The following TPO variants were observed in gnomAD, a reference collection of about 807,000 sequenced individuals.
The protein encoded by TPO is thyroid peroxidase, also known as thyroid microsomal antigen.
Under a neutral mutation model 96.9 loss-of-function variants are expected in TPO, and 78 were observed. That is an observed-to-expected ratio of 0.81 (90% CI 0.67 to 0.97). The LOEUF (loss-of-function observed/expected upper bound fraction) is 0.97. Among genes scored for constraint, TPO ranks in the 50% least tolerant of loss-of-function variants. The probability of loss-of-function intolerance (pLI) is 0.00; values close to 1 mark genes in which losing one functional copy is unlikely to be tolerated. For missense variants in TPO, 1,252 were observed against 1,274.8 expected (o/e 0.98, Z 0.27); for synonymous variants, 547 against 538.0 (o/e 1.02, Z -0.23).
intron 13 of TPO, among the ~76,000 whole-genome samples, chr2:1,498,576 T>G (rs1230513977): frequency 6.6e-6 from 1 of 152,218 alleles, no homozygotes; most frequent in Non-Finnish European, 1.5e-5. Context: ...TTTGCAGACG[T>G]GCTCCCCTGC....
At chr2:1,431,188 C>T (rs1461099783) in intron 3 of TPO, among the ~76,000 whole-genome samples, 2 of 152,138 alleles carry the variant, frequency 1.3e-5, no homozygotes. Context: ...GGTTTAGCCC[C>T]ATCCTCTTGG....
At chr2:1,514,896 C>T (rs1253225814) in intron 14 of TPO, among the ~76,000 whole-genome samples, 2 of 152,142 alleles carry the variant, frequency 1.3e-5, no homozygotes, top group South Asian at 2.1e-4. Context: ...GTGGGTCTGC[C>T]GTTTGCTGGT....
chr2:1,452,295 G>A (rs1162745377), intron 5 of TPO, among the ~76,000 whole-genome samples: 1 of 152,212 alleles, frequency 6.6e-6, no homozygotes, highest in African/African-American at 2.4e-5. Flanking sequence ...TTATTGATGA[G>A]ATGGGTGGAG....
At chr2:1,436,121 A>T (rs1665544337) in intron 4 of TPO, 131 bp from the exon 5 acceptor site, 1 of 1,436,934 alleles carries the variant, frequency 7.0e-7, no homozygotes, top group Non-Finnish European at 9.7e-7. Context: ...GATTTTCTCA[A>T]AAACAGTGAC....
intron 15 of TPO, among the ~76,000 whole-genome samples, chr2:1,524,215 A>ACCCCACTGTGTGCAACCTCCTCAAATCC (rs1261406482): frequency 5.0e-4 from 19 of 37,636 alleles, no homozygotes; most frequent in African/African-American, 1.9e-3. Context: ...CCTCAAATCC[A>ACCCCACTGTGTGCAACCTCCTCAAATCC]CCCCACTGTG....
intron 16 of TPO, chr2:1,541,115 ATGTTTT>A: frequency 8.4e-7 from 1 of 1,192,162 alleles, no homozygotes; most frequent in Non-Finnish European, 1.1e-6. Flanking sequence ...GTGTATGTTT[ATGTTTT>A]ACCCCCTTAC....
intron 7 of TPO, among the ~76,000 whole-genome samples, chr2:1,473,489 C>T (rs1024475237): frequency 1.3e-5 from 2 of 152,160 alleles, no homozygotes; most frequent in Non-Finnish European, 2.9e-5. Context: ...AATACCGCAT[C>T]ACCATTCTTT....
intron 1 of TPO, among the ~76,000 whole-genome samples, chr2:1,405,013 A>G (rs1054170759): frequency 2.0e-5 from 3 of 152,066 alleles, no homozygotes. Context: ...GTACCCACGC[A>G]GCCATCCATT....
intron 13 of TPO, among the ~76,000 whole-genome samples, chr2:1,498,049 G>GGTCGGTGTGATAAGTTGCACAAC (rs1672530826): frequency 2.0e-5 from 3 of 149,392 alleles, no homozygotes; most frequent in African/African-American, 7.5e-5. Flanking sequence ...AGTTGCACAA[G>GGTCGGTGTGATAAGTTGCACAAC]GTCAGTGTGC....
At chr2:1,479,618 C>T (rs1164279269) in intron 8 of TPO, among the ~76,000 whole-genome samples, 2 of 152,062 alleles carry the variant, frequency 1.3e-5, no homozygotes, top group Non-Finnish European at 2.9e-5. Context: ...TATTTAGAGG[C>T]GTGAATTATT....
chr2:1,429,075 G>A lies in TPO; in HGVS notation c.180-4363G>A, dbSNP rs144262747. 2.7e-3 allele frequency among the ~76,000 whole-genome samples: 405 copies of A among 152,278 alleles called. 3 individuals carry two copies. The highest frequency in any genetic ancestry group is 9.2e-3 in the African/African-American group (382 of 41,544). On this transcript the variant is annotated intron_variant, in intron 3 of 16. Transcript: ENST00000329066. Reference sequence around the variant, plus strand: ...TTATATTTTAAGTTAAATGTCATACGCATTTGTATGTACATGAAGTTATTT... The same window carrying A: ...TTATATTTTAAGTTAAATGTCATACACATTTGTATGTACATGAAGTTATTT...
intron 1 of TPO, among the ~76,000 whole-genome samples, chr2:1,403,220 G>A (rs552368295): frequency 3.0e-4 from 46 of 152,296 alleles, no homozygotes; most frequent in African/African-American, 1.0e-3. Flanking sequence ...TCTGGGGTGT[G>A]TGGGAGCTTG....
intron 14 of TPO, among the ~76,000 whole-genome samples, chr2:1,514,527 C>A (rs541887047): frequency 2.4e-4 from 36 of 152,194 alleles, no homozygotes; most frequent in Non-Finnish European, 3.1e-4. Flanking sequence ...GCCTCAGGGA[C>A]TCCCCCTTGC....
At chr2:1,422,316 A>AGACCTCGTGCAGGCACCTCTCCTGGACC (rs1663683212) in intron 2 of TPO, among the ~76,000 whole-genome samples, 5 of 68,368 alleles carry the variant, frequency 7.3e-5, no homozygotes, top group Non-Finnish European at 1.3e-4. Flanking sequence ...TCTCCTGGAC[A>AGACCTCGTGCAGGCACCTCTCCTGGACC]GACCTCGTGC....
At chr2:1,483,331 G>A (rs962843911) in intron 8 of TPO, among the ~76,000 whole-genome samples, 18 of 152,218 alleles carry the variant, frequency 1.2e-4, no homozygotes, top group Non-Finnish European at 2.4e-4. Flanking sequence ...CAGGCAAGAA[G>A]GGGAAGAGGT....
At chr2:1,537,439 CTCCCAAATCT>C (rs1680018128) in intron 15 of TPO, among the ~76,000 whole-genome samples, 15 of 72,564 alleles carry the variant, frequency 2.1e-4, no homozygotes, top group South Asian at 5.1e-4. Context: ...TGTGTGCAAA[CTCCCAAATCT>C]CCCCACTGTG....
chr2:1,443,370 AG>A (rs1666391972), intron 5 of TPO, among the ~76,000 whole-genome samples: 2 of 146,764 alleles, frequency 1.4e-5, no homozygotes, highest in Admixed American at 1.3e-4. Context: ...GGAATGGGGC[AG>A]GCTCCTTCTT....
chr2:1,457,695 T>C (rs1178168173), intron 7 of TPO, among the ~76,000 whole-genome samples: 5 of 151,936 alleles, frequency 3.3e-5, no homozygotes, highest in African/African-American at 1.2e-4. Context: ...TGTGGGCAGA[T>C]GTGTACATAG....
At chr2:1,512,869 A>G (rs1356434200) in intron 14 of TPO, among the ~76,000 whole-genome samples, 3 of 152,100 alleles carry the variant, frequency 2.0e-5, no homozygotes, top group Admixed American at 2.0e-4. Context: ...TTCCCCCACC[A>G]CCAGCACCCT....
Sources: allele counts gnomAD v4.1 joint callset (sites outside exome capture counted in the v4.1 genomes callset), GRCh38; gene constraint gnomAD v4.1.1; transcripts MANE v1.5; gene names NCBI Gene and HGNC (gene_info 2026-07-23, HGNC 2026-07-21).